HRH1: variants seen among roughly 807,000 people sequenced by gnomAD.
The protein encoded by HRH1 is histamine H1 receptor.
A neutral mutation model predicts 10.3 loss-of-function variants in HRH1; 6 were observed. That is an observed-to-expected ratio of 0.58 (90% CI 0.32 to 1.15). The LOEUF (loss-of-function observed/expected upper bound fraction) is 1.15, where lower values mean the gene tolerates loss of function less well. Ranked by LOEUF, HRH1 falls within the 50% of genes most tolerant of loss-of-function variation. The pLI is 0.05. For missense variants in HRH1, 514 were observed against 615.3 expected (o/e 0.84, Z 1.74); for synonymous variants, 242 against 236.7 (o/e 1.02, Z -0.21).
intron 1 of HRH1, among the ~76,000 whole-genome samples, chr3:11,176,585 C>T (rs906323285): frequency 6.6e-6 from 1 of 152,150 alleles, no homozygotes; most frequent in Non-Finnish European, 1.5e-5. Flanking sequence ...GGCCTACTAG[C>T]GGACCTGAAG....
rs929308157 is a variant in HRH1, at chr3:11,260,832, C to G, written c.*331C>G. 3 of 256,738 alleles carry G rather than the reference C, an allele frequency of 1.2e-5. No individual in the cohort carries two copies. The highest frequency in any genetic ancestry group is 2.4e-5 in the Non-Finnish European group (3 of 124,940). The allele number at this position is 256,738 out of a possible 1,614,324, so 15.9% of individuals were successfully genotyped here. ...GTGGAACTCTCCTGCTCCTCAGGAACTATGGGAGCCTCAGACTCATTGTAA... is the reference window on the plus strand; with the variant it reads ...GTGGAACTCTCCTGCTCCTCAGGAAGTATGGGAGCCTCAGACTCATTGTAA... On this transcript the variant is annotated 3_prime_UTR_variant, in exon 2 of 2. Transcript: ENST00000431010.
At chr3:11,192,738 A>T (rs1415517694) in intron 1 of HRH1, among the ~76,000 whole-genome samples, 1 of 152,192 alleles carries the variant, frequency 6.6e-6, no homozygotes. Flanking sequence ...TACAAAGACC[A>T]TTCACAACAA....
intron 1 of HRH1, among the ~76,000 whole-genome samples, chr3:11,238,639 A>C (rs200144310): frequency 1.3e-5 from 2 of 152,348 alleles, no homozygotes; most frequent in East Asian, 3.9e-4. Flanking sequence ...TATAAACATC[A>C]TCAGAATCCA....
chr3:11,210,889 T>C (rs1938306052), intron 1 of HRH1, among the ~76,000 whole-genome samples: 1 of 152,216 alleles, frequency 6.6e-6, no homozygotes, highest in South Asian at 2.1e-4. Flanking sequence ...ATCATGCAGT[T>C]AGACATGACT....
intron 1 of HRH1, among the ~76,000 whole-genome samples, chr3:11,223,187 A>AG: frequency 7.1e-6 from 1 of 140,744 alleles, no homozygotes; most frequent in Non-Finnish European, 1.5e-5. Flanking sequence ...TCGTCTCAAA[A>AG]AAAAAAAAAA....
At chr3:11,166,398 T>C (rs938938138) in intron 1 of HRH1, among the ~76,000 whole-genome samples, 1 of 152,240 alleles carries the variant, frequency 6.6e-6, no homozygotes, top group Non-Finnish European at 1.5e-5. Flanking sequence ...ACAACATCTA[T>C]TGAGCACTTC....
chr3:11,205,003 A>G (rs1017858308), intron 1 of HRH1, among the ~76,000 whole-genome samples: 1 of 152,130 alleles, frequency 6.6e-6, no homozygotes, highest in African/African-American at 2.4e-5. Context: ...CAGAGAGAGA[A>G]ACGTGGGGTC....
chr3:11,230,412 C>T (rs967520633), intron 1 of HRH1, among the ~76,000 whole-genome samples: 3 of 152,196 alleles, frequency 2.0e-5, no homozygotes, highest in Non-Finnish European at 4.4e-5. Flanking sequence ...GTCATCGGCA[C>T]CAGTCCAGAC....
intron 1 of HRH1, among the ~76,000 whole-genome samples, chr3:11,231,415 C>T (rs1939037498): frequency 6.6e-6 from 1 of 152,212 alleles, no homozygotes; most frequent in South Asian, 2.1e-4. Context: ...AACTGCCATA[C>T]TCTTCCAGAA....
chr3:11,260,198 C>T lies in HRH1; in HGVS notation c.1161C>T (p.Ile387=), dbSNP rs1193771522. The part of the protein sequence containing the change: ...RSGSNTGLDY[I]KFTWKRLRSH... ...GGTCTAACACAGGCCTGGATTACAT[C>T]AAGTTTACTTGGAAGAGGCTCCGCT... The change falls in exon 2 of 2, where the codon ATC becomes ATT. Residue 387 remains isoleucine, a synonymous_variant. Transcript: ENST00000431010. 1 of 1,613,926 alleles carries T rather than the reference C, an allele frequency of 6.2e-7. No homozygotes were observed. Among genetic ancestry groups the T allele is most frequent in the African/African-American group, 1.3e-5 (1 of 74,884 alleles).
chr3:11,250,261 A>T (rs1463114881), intron 1 of HRH1, among the ~76,000 whole-genome samples: 4 of 132,064 alleles, frequency 3.0e-5, no homozygotes, highest in East Asian at 2.2e-4. Context: ...GGGTTTCACC[A>T]TATTAGCCAG....
At chr3:11,242,208 G>T (rs1275625112) in intron 1 of HRH1, among the ~76,000 whole-genome samples, 1 of 151,964 alleles carries the variant, frequency 6.6e-6, no homozygotes, top group African/African-American at 2.4e-5. Flanking sequence ...TTGGCCGGGT[G>T]CGGTGGCTCA....
chr3:11,179,995 T>C (rs1382823010), intron 1 of HRH1, among the ~76,000 whole-genome samples: 2 of 152,098 alleles, frequency 1.3e-5, no homozygotes, highest in Non-Finnish European at 1.5e-5. Context: ...ACTCCTGGGC[T>C]CAAGCAATCC....
chr3:11,220,610 C>G (rs1443836279), intron 1 of HRH1, among the ~76,000 whole-genome samples: 1 of 152,186 alleles, frequency 6.6e-6, no homozygotes, highest in Non-Finnish European at 1.5e-5. Context: ...TTCCGTCATC[C>G]TGTGCAGGGA....
At chr3:11,177,667 C>A (rs1027718839) in intron 1 of HRH1, among the ~76,000 whole-genome samples, 3 of 152,158 alleles carry the variant, frequency 2.0e-5, no homozygotes, top group Admixed American at 1.3e-4. Flanking sequence ...TATCTTAAGG[C>A]CCCCAGCCCC....
chr3:11,260,874 C>G lies in HRH1; in HGVS notation c.*373C>G, dbSNP rs1196407045. 1 of 203,576 alleles carries G rather than the reference C, an allele frequency of 4.9e-6. No individual in the cohort carries two copies. Among genetic ancestry groups the G allele is most frequent in the African/African-American group, 2.4e-5 (1 of 42,546 alleles). 12.6% of individuals were successfully genotyped at this position (203,576 alleles called of 1,614,324 possible). ...TCATTGTAATTCAAGCTTTCCGAGT[C>G]AAGTGATTGACAACTGAAGAGACAC... On this transcript the variant is annotated 3_prime_UTR_variant, in exon 2 of 2. Transcript: ENST00000431010.
intron 1 of HRH1, among the ~76,000 whole-genome samples, chr3:11,177,093 C>CA (rs373557001): frequency 0.025 from 3,246 of 130,596 alleles, 45 homozygotes; most frequent in Middle Eastern, 0.051. Context: ...ACTCTTGTCT[C>CA]AAAAAAAAAA....
At chr3:11,164,345 G>A (rs1333752629) in intron 1 of HRH1, among the ~76,000 whole-genome samples, 1 of 152,262 alleles carries the variant, frequency 6.6e-6, no homozygotes, top group Non-Finnish European at 1.5e-5. Context: ...CGTGAAGAAC[G>A]AAGGGAGGGA....
At chr3:11,184,226 G>A (rs1937410326) in intron 1 of HRH1, among the ~76,000 whole-genome samples, 2 of 152,142 alleles carry the variant, frequency 1.3e-5, no homozygotes, top group Non-Finnish European at 2.9e-5. Flanking sequence ...TGACAGGCAC[G>A]ATTCTAAGTC....
Sources: allele counts gnomAD v4.1 joint callset (sites outside exome capture counted in the v4.1 genomes callset), GRCh38; gene constraint gnomAD v4.1.1; transcripts MANE v1.5; gene names NCBI Gene and HGNC (gene_info 2026-07-23, HGNC 2026-07-21).